Variants in RAG2 observed in about 807,000 individuals in gnomAD.
RAG2 encodes the protein V(D)J recombination-activating protein 2.
A neutral mutation model predicts 31.8 loss-of-function variants in RAG2; 16 were observed. The ratio of observed to expected loss-of-function variants is 0.50; its 90% CI spans 0.34 to 0.76. The LOEUF (loss-of-function observed/expected upper bound fraction) is 0.76. RAG2 is among the 30% of genes least tolerant of loss of function. The probability of loss-of-function intolerance (pLI) is 0.01; values close to 1 mark genes in which losing one functional copy is unlikely to be tolerated. For synonymous variants in RAG2, 199 were observed against 215.9 expected (o/e 0.92, Z 0.68); for missense variants, 622 against 628.5 (o/e 0.99, Z 0.11).
chr11:36,592,658 G>T lies in RAG2; in HGVS notation c.1511C>A (p.Ser504Tyr). ...VLPLKKPPMK[S>Y]LRKKGSGKIL... is the part of the protein sequence containing the mutation. ...TTTTCCAGAACCTTTTTTACGGAGGGATTTCATTGGAGGCTTTTTTAAGGG... is the reference window on the plus strand; with the variant it reads ...TTTTCCAGAACCTTTTTTACGGAGGTATTTCATTGGAGGCTTTTTTAAGGG... The change falls in exon 2 of 2, where the codon TCC becomes TAC. Residue 504 changes from serine to tyrosine, a missense_variant. By Grantham distance (144) the Ser-to-Tyr change is moderately radical. Coordinates refer to ENST00000311485, the MANE Select transcript of RAG2 (RefSeq NM_000536.4). 1 of 1,614,136 alleles carries T rather than the reference G, an allele frequency of 6.2e-7. No individual in the cohort carries two copies. Among genetic ancestry groups the T allele is most frequent in the South Asian group, 1.1e-5 (1 of 91,084 alleles).
At position 36,593,290 on chromosome 11, in the gene RAG2, C is replaced by T; in HGVS notation, c.879G>A (p.Glu293=). The part of the protein sequence containing the change: ...KRMICNIISL[E]DNKIEIREME... ...TCTCACGAATTTCTATCTTGTTGTC[C>T]TCTAAAGAGATGATGTTGCAGATCA... is the stretch of plus-strand genomic sequence containing the variant. Residue 293 remains glutamate (E), a synonymous_variant, in exon 2 of 2, where the codon GAG becomes GAA. Coordinates refer to ENST00000311485, the MANE Select transcript of RAG2 (RefSeq NM_000536.4). 2 of 1,614,068 alleles carry T rather than the reference C, an allele frequency of 1.2e-6. No individual in the cohort carries two copies. The highest frequency in any genetic ancestry group is 1.7e-6 in the Non-Finnish European group (2 of 1,180,002).
intron 1 of RAG2, 171 bp from the exon 2 acceptor site, chr11:36,594,366 G>A: frequency 1.6e-6 from 1 of 610,968 alleles, no homozygotes; most frequent in East Asian, 2.8e-5. Context: ...AACCTTTACT[G>A]CCATTCCATC....
intron 1 of RAG2, chr11:36,597,876 C>G (rs543644653): frequency 6.6e-6 from 1 of 152,104 alleles, no homozygotes; most frequent in South Asian, 2.1e-4. Context: ...GATTTATGTA[C>G]GAAGATTAAT....
In RAG2 at chr11:36,593,198, T is replaced by C. The variant is rs761622056; in HGVS notation, c.971A>G (p.Asn324Ser). ...SKIWFGSNMG[N>S]GTVFLGIPGD... ...TGGTATGCCAAGAAAAACAGTTCCA[T>C]TTCCCATGTTGCTTCCAAACCATAT... The change falls in exon 2 of 2, where the codon AAT becomes AGT. Residue 324 changes from asparagine (N) to serine (S), a missense_variant. By Grantham distance (46) the Asn-to-Ser change is conservative. Transcript: ENST00000311485. 6.2e-7 allele frequency: 1 copy of C among 1,614,212 alleles called. No individual in the cohort carries two copies. The highest frequency in any genetic ancestry group is 8.5e-7 in the Non-Finnish European group (1 of 1,180,038).
chr11:36,591,780 TTTCCAGAG>T (rs1260370068), downstream of RAG2, among the ~76,000 whole-genome samples: 1 of 152,180 alleles, frequency 6.6e-6, no homozygotes, highest in Admixed American at 6.5e-5. Flanking sequence ...TCACTTCCTT[TTTCCAGAG>T]TACTAAGTAG....
chr11:36,593,720 T>C lies in RAG2; in HGVS notation c.449A>G (p.Lys150Arg). Residue 150 changes from lysine (K) to arginine (R), a missense_variant, in exon 2 of 2, where the codon AAA (lysine) becomes AGA (arginine). Coordinates refer to ENST00000311485, the MANE Select transcript of RAG2 (RefSeq NM_000536.4). ...TCCTCCAAAGAGAACACCCATACTT[T>C]TCCCTCGGCTGTACACCACATTAAT... is the stretch of plus-strand genomic sequence containing the variant. ...HSINVVYSRGKSMGVLFGGRS... is the reference protein window; with the variant it reads ...HSINVVYSRGRSMGVLFGGRS... The C allele has an allele frequency of 6.2e-7, 1 of 1,614,190 alleles. No homozygotes were observed.
chr11:36,593,932 T>A lies in RAG2; in HGVS notation c.237A>T (p.Thr79=). The A allele has an allele frequency of 6.2e-7, 1 of 1,614,234 alleles. No individual in the cohort carries two copies. The highest frequency in any genetic ancestry group is 8.5e-7 in the Non-Finnish European group (1 of 1,180,038). The change falls in exon 2 of 2, where the codon ACA becomes ACT. Residue 79 remains threonine (T), a synonymous_variant. Transcript: ENST00000311485. The stretch of plus-strand genomic sequence containing the variant: ...TTTCAGACTCCAAGCTGCCTTTGAA[T>A]GTGCAAGTGGCTGGGTAGCGAAGAG... ...LPPLRYPATC[T]FKGSLESEKH... is the part of the protein sequence containing the mutation.
rs777991833 is a variant in RAG2 at position 36,593,139 on chromosome 11, A to G, written c.1030T>C (p.Tyr344His). The G allele has an allele frequency of 2.5e-6, 4 of 1,614,076 alleles. No homozygotes were observed. The highest frequency in any genetic ancestry group is 3.4e-6 in the Non-Finnish European group (4 of 1,180,040). ...TCAGCACATTTCAACATATAGAAAT[A>G]GAATCCTTCTGAAACAACTTGTTTA... The part of the protein sequence containing the change: ...DNKQVVSEGF[Y>H]FYMLKCAEDD... Residue 344 changes from tyrosine to histidine, a missense_variant, in exon 2 of 2, where the codon TAT (tyrosine) becomes CAT (histidine). By Grantham distance (83) the Tyr-to-His change is moderately conservative. Coordinates refer to ENST00000311485, the MANE Select transcript of RAG2 (RefSeq NM_000536.4).
rs1851095470 is a variant in RAG2 at position 36,593,855 on chromosome 11, T to C, written c.314A>G (p.Asp105Gly). 1.2e-6 allele frequency: 2 copies of C among 1,614,248 alleles called. No individual in the cohort carries two copies. Reference sequence around the variant, plus strand: ...AACAATAGACATGACATAAATCTTATCTGAAACCTCATTGTTTGGTGTTTT... The same window carrying C: ...AACAATAGACATGACATAAATCTTACCTGAAACCTCATTGTTTGGTGTTTT... ...GGKTPNNEVS[D>G]KIYVMSIVCK... Residue 105 changes from aspartate to glycine, a missense_variant, in exon 2 of 2, where the codon GAT becomes GGT. Coordinates refer to ENST00000311485, the MANE Select transcript of RAG2 (RefSeq NM_000536.4).
chr11:36,592,870 G>T lies in RAG2; in HGVS notation c.1299C>A (p.Phe433Leu). The T allele has an allele frequency of 9.3e-6, 15 of 1,614,144 alleles. No individual in the cohort carries two copies. The highest frequency in any genetic ancestry group is 1.3e-5 in the Non-Finnish European group (15 of 1,180,040). ...CDVDINTWVP[F>L]YSTELNKPAM... Reference sequence around the variant, plus strand: ...CGGGTTTGTTGAGCTCAGTTGAATAGAATGGTACCCAAGTGTTGATATCCA... The same window carrying T: ...CGGGTTTGTTGAGCTCAGTTGAATATAATGGTACCCAAGTGTTGATATCCA... The change falls in exon 2 of 2, where the codon TTC becomes TTA. Residue 433 changes from phenylalanine (F) to leucine (L), a missense_variant. Phe to Leu is a conservative substitution (Grantham distance 22, BLOSUM62 0). Coordinates refer to ENST00000311485, the MANE Select transcript of RAG2 (RefSeq NM_000536.4).
chr11:36,593,120 C>T lies in RAG2; in HGVS notation c.1049G>A (p.Cys350Tyr). The change falls in exon 2 of 2, where the codon TGT (cysteine) becomes TAT (tyrosine). Residue 350 changes from cysteine to tyrosine, a missense_variant. Physicochemically the swap from Cys to Tyr is radical, Grantham distance 194 (BLOSUM62 -2). Transcript: ENST00000311485. ...SEGFYFYMLK[C>Y]AEDDTNEEQT... ...CTCTTCATTAGTATCATCTTCAGCACATTTCAACATATAGAAATAGAATCC... is the reference window on the plus strand; with the variant it reads ...CTCTTCATTAGTATCATCTTCAGCATATTTCAACATATAGAAATAGAATCC... The T allele has an allele frequency of 1.2e-6, 2 of 1,614,126 alleles. No homozygotes were observed. The highest frequency in any genetic ancestry group is 1.7e-6 in the Non-Finnish European group (2 of 1,179,996).
At chr11:36,595,439 G>A (rs1287909733) in intron 1 of RAG2, among the ~76,000 whole-genome samples, 1 of 152,194 alleles carries the variant, frequency 6.6e-6, no homozygotes, top group Non-Finnish European at 1.5e-5. Flanking sequence ...GCAGTGTGAT[G>A]TCCTGTGCAC....
At position 36,591,980 on chromosome 11, in the gene RAG2, G is replaced by T. The variant is rs1414951663; in HGVS notation, c.*605C>A. ...ATTTATTTCTTCTTTTGTGTCAGTGGAGAACATTATCTATCTATATGTATA... is the reference window on the plus strand; with the variant it reads ...ATTTATTTCTTCTTTTGTGTCAGTGTAGAACATTATCTATCTATATGTATA... On this transcript the variant is annotated 3_prime_UTR_variant, in exon 2 of 2. Transcript: ENST00000311485. 1 of 152,092 alleles carries T rather than the reference G, an allele frequency of 6.6e-6. No homozygotes were observed. The allele number at this position is 152,092 out of a possible 1,614,324, so 9.4% of individuals were successfully genotyped here.
Position 36,593,265 on chromosome 11 carries a change from T to A in RAG2, c.904A>T (p.Met302Leu), listed in dbSNP as rs1851071285. 4 of 1,614,230 alleles carry A rather than the reference T, an allele frequency of 2.5e-6. No individual in the cohort carries two copies. The highest frequency in any genetic ancestry group is 3.4e-6 in the Non-Finnish European group (4 of 1,180,034). Residue 302 changes from methionine (M) to leucine (L), a missense_variant, in exon 2 of 2, where the codon ATG becomes TTG. Met to Leu is a conservative substitution (Grantham distance 15). Transcript: ENST00000311485. ...LEDNKIEIREMETPDWTPDIK... is the reference protein window; with the variant it reads ...LEDNKIEIRELETPDWTPDIK... The stretch of plus-strand genomic sequence containing the variant: ...TCTGGGGTCCAATCTGGGGTCTCCA[T>A]CTCACGAATTTCTATCTTGTTGTCC...
In RAG2 at chr11:36,593,482, C is replaced by T. The variant is rs772031809; in HGVS notation, c.687G>A (p.Arg229=). The T allele has an allele frequency of 3.1e-6, 5 of 1,613,942 alleles. No individual in the cohort carries two copies. Among genetic ancestry groups the T allele is most frequent in the Non-Finnish European group, 4.2e-6 (5 of 1,180,014 alleles). Residue 229 remains arginine (R), a synonymous_variant, in exon 2 of 2, where the codon CGG becomes CGA. Coordinates refer to ENST00000311485, the MANE Select transcript of RAG2 (RefSeq NM_000536.4). ...CCCTTATTCTGTACAGGTTGGCAGG[C>T]CGGATATTATTGGCAAGTGAATGTC... The part of the protein sequence containing the change: ...LGGHSLANNI[R]PANLYRIRVD...
Position 36,593,578 on chromosome 11 carries a change from A to C in RAG2, c.591T>G (p.Leu197=), listed in dbSNP as rs770657068. 1 of 1,614,188 alleles carries C rather than the reference A, an allele frequency of 6.2e-7. No individual in the cohort carries two copies. The highest frequency in any genetic ancestry group is 1.1e-5 in the South Asian group (1 of 91,084). Reference sequence around the variant, plus strand: ...AAGATAGCCCATCCTGAAGTTCTGGAAGAATGTATGATGTAGCACACCCAA... The same window carrying C: ...AAGATAGCCCATCCTGAAGTTCTGGCAGAATGTATGATGTAGCACACCCAA... ...FEFGCATSYI[L]PELQDGLSFH... is the part of the protein sequence containing the mutation. Residue 197 remains leucine (L), a synonymous_variant, in exon 2 of 2, where the codon CTT becomes CTG. Transcript: ENST00000311485.
chr11:36,592,677 T>C lies in RAG2; in HGVS notation c.1492A>G (p.Lys498Glu). The C allele has an allele frequency of 1.2e-6, 2 of 1,614,150 alleles. No individual in the cohort carries two copies. Among genetic ancestry groups the C allele is most frequent in the Non-Finnish European group, 1.7e-6 (2 of 1,180,024 alleles). Residue 498 changes from lysine (K) to glutamate (E), a missense_variant, in exon 2 of 2, where the codon AAA becomes GAA. Coordinates refer to ENST00000311485, the MANE Select transcript of RAG2 (RefSeq NM_000536.4). ...CGGAGGGATTTCATTGGAGGCTTTT[T>C]TAAGGGTAGGACTCTTTGGGGAGTG... ...LHTPQRVLPLKKPPMKSLRKK... is the reference protein window; with the variant it reads ...LHTPQRVLPLEKPPMKSLRKK...
intron 1 of RAG2, among the ~76,000 whole-genome samples, chr11:36,596,126 A>G (rs1260212791): frequency 1.3e-5 from 2 of 151,890 alleles, no homozygotes; most frequent in Non-Finnish European, 2.9e-5. Flanking sequence ...AATTGATACT[A>G]TAATTTATCT....
chr11:36,594,155 A>C lies in RAG2; in HGVS notation c.14T>G (p.Met5Arg). 1 of 1,609,976 alleles carries C rather than the reference A, an allele frequency of 6.2e-7. No homozygotes were observed. Among genetic ancestry groups the C allele is most frequent in the Non-Finnish European group, 8.5e-7 (1 of 1,176,240 alleles). The change falls in exon 2 of 2, where the codon ATG becomes AGG. Residue 5 changes from methionine to arginine, a missense_variant. Coordinates refer to ENST00000311485, the MANE Select transcript of RAG2 (RefSeq NM_000536.4). The stretch of plus-strand genomic sequence containing the variant: ...GGCTATGTTATTACTGACTGTTACC[A>C]TCTGCAGAGACATAGTTTCTGATGG... The part of the protein sequence containing the change: MSLQ[M>R]VTVSNNIALI...
Sources: gnomAD v4.1 joint callset for allele counts (sites outside exome capture counted in the v4.1 genomes callset) on GRCh38, gnomAD v4.1.1 for gene constraint, MANE v1.5 for transcripts, NCBI Gene and HGNC (gene_info 2026-07-23, HGNC 2026-07-21) for gene names.